TEP1: variants seen among roughly 807,000 people sequenced by gnomAD.
TEP1 encodes telomerase protein component 1.
Under a neutral mutation model 306.3 loss-of-function variants are expected in TEP1, and 241 were observed. That is an observed-to-expected ratio of 0.79 (90% CI 0.71 to 0.88). The LOEUF is 0.88. Among genes scored for constraint, TEP1 ranks in the 40% least tolerant of loss-of-function variants. The pLI is 0.00. For synonymous variants in TEP1, 1,289 were observed against 1,305.5 expected (o/e 0.99, Z 0.27); for missense variants, 3,051 against 3,276.1 (o/e 0.93, Z 1.68).
In TEP1 at chr14:20,381,591, C is replaced by T. The variant is rs765928886; in HGVS notation, c.4520G>A (p.Arg1507Lys). 1 of 1,613,906 alleles carries T rather than the reference C, an allele frequency of 6.2e-7. No individual in the cohort carries two copies. The highest frequency in any genetic ancestry group is 8.5e-7 in the Non-Finnish European group (1 of 1,179,996). The part of the protein sequence containing the change: ...RTAAKRCYGK[R>K]PGLEDTAHIL... ...GTGTGCCGTGTCCTCTAGCCCTGGC[C>T]TCTTCCCATAGCAACGTTTAGCTGC... is the stretch of plus-strand genomic sequence containing the variant. Residue 1507 changes from arginine (R) to lysine (K), a missense_variant, in exon 31 of 55, where the codon AGG becomes AAG. By Grantham distance (26) the Arg-to-Lys change is conservative (BLOSUM62 2). Coordinates refer to ENST00000262715, the MANE Select transcript of TEP1 (RefSeq NM_007110.5). This position sits in a 1 kb window ranked among gnomAD's most constrained non-coding sequence, Gnocchi z 4.0.
intron 10 of TEP1, 145 bp downstream of exon 10, chr14:20,396,476 G>C (rs2139143364): frequency 1.7e-6 from 1 of 572,032 alleles, no homozygotes; most frequent in Non-Finnish European, 3.1e-6. Flanking sequence ...TGTATTCCCA[G>C]ATCTACTTAC....
chr14:20,380,811 G>T (rs1339746838), intron 33 of TEP1, 120 bp downstream of exon 33: 6 of 876,558 alleles, frequency 6.8e-6, no homozygotes, highest in Non-Finnish European at 8.9e-6. Flanking sequence ...ACTCGAAATG[G>T]AAATTTGAAT....
intron 2 of TEP1, among the ~76,000 whole-genome samples, chr14:20,406,917 T>C (rs1879221030): frequency 6.6e-6 from 1 of 152,214 alleles, no homozygotes; most frequent in Admixed American, 6.5e-5. Context: ...ATGGCAGCAG[T>C]TGTAATCCTG....
Position 20,380,354 on chromosome 14 carries a change from T to C in TEP1, c.4884A>G (p.Ala1628=), listed in dbSNP as rs1225935856. The C allele has an allele frequency of 6.2e-7, 1 of 1,614,092 alleles. No homozygotes were observed. The change falls in exon 34 of 55, where the codon GCA becomes GCG. Residue 1628 remains alanine (A), a synonymous_variant. Coordinates refer to ENST00000262715, the MANE Select transcript of TEP1 (RefSeq NM_007110.5). Reference sequence around the variant, plus strand: ...GAGGTGAGTCCAGGGGCTGGTTGGCTGCCTGCTGGGGCAGGAGCCGGGGGT... The same window carrying C: ...GAGGTGAGTCCAGGGGCTGGTTGGCCGCCTGCTGGGGCAGGAGCCGGGGGT... ...SQYPRLLPQQ[A]ANQPLDSPLC... is the part of the protein sequence containing the mutation.
rs200480632 is a variant in TEP1 at position 20,368,542 on chromosome 14, G to A, written c.7779C>T (p.Cys2593=). 2.4e-4 allele frequency: 390 copies of A among 1,614,004 alleles called. No homozygotes were observed. The highest frequency in any genetic ancestry group is 3.0e-4 in the Non-Finnish European group (352 of 1,180,028). ...PSMQLLGLFR[C]EGSVSCLEPW... is the part of the protein sequence containing the mutation. ...GTTCCAGGCAGCTCACTGACCCTTC[G>A]CATCGGAACAGGCCCAGCTACGATG... Residue 2593 remains cysteine, a synonymous_variant, in exon 55 of 55, where the codon TGC becomes TGT. Transcript: ENST00000262715.
At chr14:20,368,751 T>A (rs374314555) in intron 54 of TEP1, 47 bp downstream of exon 54, 1 of 1,449,044 alleles carries the variant, frequency 6.9e-7, no homozygotes, top group Non-Finnish European at 9.4e-7. Context: ...TTGGGATAGG[T>A]GTGCAGGCGC....
In TEP1 at chr14:20,372,814, G is replaced by T; in HGVS notation, c.6995C>A (p.Thr2332Asn). Residue 2332 changes from threonine to asparagine, a missense_variant, in exon 49 of 55, where the codon ACC becomes AAC. By Grantham distance (65) the Thr-to-Asn change is moderately conservative (BLOSUM62 0). Around this residue, in one of 3 missense-constraint regions of TEP1, gnomAD observed 1,540 missense variants for 1,705.9 expected, o/e 0.90. Transcript: ENST00000262715. ...IGALIWSSAH[T>N]FFVLSADEKI... ...CTCATCAGCACTGAGGACAAAAAAGGTGTGTGCCGAGGACCAGATCAGAGC... is the reference window on the plus strand; with the variant it reads ...CTCATCAGCACTGAGGACAAAAAAGTTGTGTGCCGAGGACCAGATCAGAGC... 6.2e-7 allele frequency: 1 copy of T among 1,614,192 alleles called. No individual in the cohort carries two copies. Among genetic ancestry groups the T allele is most frequent in the Non-Finnish European group, 8.5e-7 (1 of 1,180,028 alleles).
At position 20,399,091 on chromosome 14, in the gene TEP1, C is replaced by A. The variant is rs532585466; in HGVS notation, c.1549+1893G>T. Among the ~76,000 whole-genome samples, 5 of 152,254 alleles carry A rather than the reference C, an allele frequency of 3.3e-5. No homozygotes were observed. The South Asian group carries it at 8.3e-4, about 25-fold the overall frequency. On this transcript the variant is annotated intron_variant, in intron 9 of 54. Coordinates refer to ENST00000262715, the MANE Select transcript of TEP1 (RefSeq NM_007110.5). Reference sequence around the variant, plus strand: ...ATTTTTGGTTAGAGACGGGGTTTCACCATGTTGCTCAGGCTGGTCTCAAAC... The same window carrying A: ...ATTTTTGGTTAGAGACGGGGTTTCAACATGTTGCTCAGGCTGGTCTCAAAC...
At chr14:20,389,582 A>G in intron 16 of TEP1, 28 bp downstream of exon 16, 2 of 1,611,166 alleles carry the variant, frequency 1.2e-6, no homozygotes, top group South Asian at 2.2e-5. Context: ...GATTTCTGAC[A>G]CTGGGCAGGA....
At chr14:20,395,791 T>C in intron 11 of TEP1, 68 bp downstream of exon 11, 1 of 1,549,458 alleles carries the variant, frequency 6.5e-7, no homozygotes, top group Non-Finnish European at 8.9e-7. Flanking sequence ...CTAAAAATAT[T>C]GGTGCTGCTG....
intron 1 of TEP1, among the ~76,000 whole-genome samples, chr14:20,409,199 A>G (rs989381527): frequency 3.3e-5 from 5 of 152,184 alleles, no homozygotes; most frequent in African/African-American, 1.2e-4. Flanking sequence ...GTAGAATATG[A>G]CATTGTTGAT....
intron 1 of TEP1, among the ~76,000 whole-genome samples, chr14:20,409,795 CG>C (rs1232267701): frequency 2.6e-5 from 4 of 151,746 alleles, no homozygotes; most frequent in Non-Finnish European, 2.9e-5. Context: ...CCGAGGCGGG[CG>C]GATCACAAGG....
intron 1 of TEP1, among the ~76,000 whole-genome samples, chr14:20,411,665 T>G (rs1879688037): frequency 6.7e-6 from 1 of 149,846 alleles, no homozygotes; most frequent in African/African-American, 2.4e-5. Flanking sequence ...TGGTAAAAGC[T>G]ATGGAGCTTT....
chr14:20,398,042 C>T (rs1387554904), intron 9 of TEP1, among the ~76,000 whole-genome samples: 1 of 151,764 alleles, frequency 6.6e-6, no homozygotes, highest in Non-Finnish European at 1.5e-5. Flanking sequence ...CGTGAGCCAC[C>T]ATGCCCAGCC....
In TEP1 at chr14:20,382,337, G is replaced by A. The variant is rs758245696; in HGVS notation, c.4160C>T (p.Thr1387Ile). Residue 1387 changes from threonine (T) to isoleucine (I), a missense_variant, in exon 29 of 55, where the codon ACC becomes ATC. Physicochemically the swap from Thr to Ile is moderately conservative, Grantham distance 89. This residue lies in a region of TEP1 where 1,540 missense variants were observed against 1,705.9 expected (regional missense o/e 0.90). Coordinates refer to ENST00000262715, the MANE Select transcript of TEP1 (RefSeq NM_007110.5). Reference protein sequence around the residue: ...LYEQVSERLRTLPATVPLLLQ... With the variant: ...LYEQVSERLRILPATVPLLLQ... ...CAGCAGGGGGACAGTGGCAGGCAGGGTCCGGAGTCTCTCAGACACCTAGGA... is the reference window on the plus strand; with the variant it reads ...CAGCAGGGGGACAGTGGCAGGCAGGATCCGGAGTCTCTCAGACACCTAGGA... 4 of 1,611,676 alleles carry A rather than the reference G, an allele frequency of 2.5e-6. No homozygotes were observed. The highest frequency in any genetic ancestry group is 2.7e-5 in the African/African-American group (2 of 74,892).
intron 18 of TEP1, 128 bp downstream of exon 18, chr14:20,387,777 G>A: frequency 8.5e-7 from 1 of 1,180,426 alleles, no homozygotes; most frequent in Admixed American, 2.8e-5. Context: ...CTCCGCCTGA[G>A]AAAGAGGAAG....
chr14:20,380,315 G>A lies in TEP1; in HGVS notation c.4923C>T (p.Ala1641=), dbSNP rs1416281467. 3 of 1,614,190 alleles carry A rather than the reference G, an allele frequency of 1.9e-6. No individual in the cohort carries two copies. The highest frequency in any genetic ancestry group is 2.2e-5 in the East Asian group (1 of 44,878). ...QPLDSPLCHQ[A]SLLSRRWHLQ... ...GGTGCCATCTCCGGGAGAGCAGCGAGGCTTGGTGGCAAAGAGGTGAGTCCA... is the reference window on the plus strand; with the variant it reads ...GGTGCCATCTCCGGGAGAGCAGCGAAGCTTGGTGGCAAAGAGGTGAGTCCA... Residue 1641 remains alanine (A), a synonymous_variant, in exon 34 of 55, where the codon GCC becomes GCT. Transcript: ENST00000262715.
intron 12 of TEP1, among the ~76,000 whole-genome samples, chr14:20,394,446 C>T: frequency 7.0e-6 from 1 of 143,032 alleles, no homozygotes; most frequent in Admixed American, 7.0e-5. Flanking sequence ...GGTCAGTACA[C>T]AAATACCATT....
chr14:20,395,765 A>G, intron 11 of TEP1, 94 bp downstream of exon 11: 1 of 1,512,010 alleles, frequency 6.6e-7, no homozygotes, highest in Non-Finnish European at 9.1e-7. Context: ...ACACCCTGAG[A>G]CTGCAAAGCA....
Sources: allele counts gnomAD v4.1 joint callset (sites outside exome capture counted in the v4.1 genomes callset), GRCh38; gene constraint gnomAD v4.1.1; regional missense constraint gnomAD v4.1.1; non-coding constraint Gnocchi (gnomAD v3.1); transcripts MANE v1.5; gene names NCBI Gene and HGNC (gene_info 2026-07-23, HGNC 2026-07-21).